EVI5L: variants seen among roughly 807,000 people sequenced by gnomAD.
EVI5L encodes the protein EVI5-like protein.
In EVI5L, 30 loss-of-function variants were observed where a neutral mutation model predicts 106.1. The observed-to-expected ratio is 0.28, with a 90% confidence interval of 0.21 to 0.38. EVI5L has a LOEUF of 0.38. Among genes scored for constraint, EVI5L ranks in the 10% least tolerant of loss-of-function variants. EVI5L has a pLI of 1.00. For missense variants in EVI5L, 809 were observed against 1,098.0 expected, an observed-to-expected ratio of 0.74 and a Z score of 3.72; for synonymous variants, 489 against 483.3, an observed-to-expected ratio of 1.01 and a Z score of -0.15.
At chr19:7,860,940 G>A (rs975253331) in intron 14 of EVI5L, among the ~76,000 whole-genome samples, 2 of 152,270 alleles carry the variant, frequency 1.3e-5, no homozygotes, top group East Asian at 1.9e-4. Flanking sequence ...GTTTCCCCCA[G>A]TACTGGGTTC....
chr19:7,856,853 G>A lies in EVI5L; in HGVS notation c.1201-239G>A. 1 of 686,380 alleles carries A rather than the reference G, an allele frequency of 1.5e-6. No homozygotes were observed. Among genetic ancestry groups the A allele is most frequent in the Non-Finnish European group, 2.7e-6 (1 of 375,476 alleles). The allele number at this position is 686,380 out of a possible 1,614,324, so 42.5% of individuals were successfully genotyped here. ...CCCTGCGGCCTCCCCCACAGCCGCG[G>A]GCACCCCCGACCTCCCCGCTCACAC... is the stretch of plus-strand genomic sequence containing the variant. On this transcript the variant is annotated intron_variant, in intron 11 of 19. Coordinates refer to ENST00000538904, the MANE Select transcript of EVI5L (RefSeq NM_001159944.3). The surrounding 1 kb of genome is among the most constrained non-coding windows in gnomAD (Gnocchi z 6.6).
At chr19:7,852,989 C>A in intron 8 of EVI5L, 97 bp from the exon 9 acceptor site, 1 of 1,202,280 alleles carries the variant, frequency 8.3e-7, no homozygotes, top group Non-Finnish European at 1.2e-6. Context: ...CCCGGGCAGA[C>A]CCGTTCCTGC....
rs1980003161 is a variant in EVI5L at position 7,864,084 on chromosome 19, CAG to C, written c.*383_*384del. 4 of 221,076 alleles carry C rather than the reference CAG, an allele frequency of 1.8e-5. No individual in the cohort carries two copies. Among genetic ancestry groups the C allele is most frequent in the Non-Finnish European group, 3.5e-5 (4 of 113,618 alleles). 13.7% of individuals were successfully genotyped at this position (221,076 alleles called of 1,614,324 possible). On this transcript the variant is annotated 3_prime_UTR_variant, in exon 20 of 20. Coordinates refer to ENST00000538904, the MANE Select transcript of EVI5L (RefSeq NM_001159944.3). The surrounding 1 kb of genome is among the most constrained non-coding windows in gnomAD (Gnocchi z 4.5). ...CCTCCTGGCAGGCTTCCTTCTGGGA[CAG>C]GGGCGACATTGCTGGGAAGTGCTCA...
chr19:7,862,148 G>T lies in EVI5L; in HGVS notation c.1671G>T (p.Trp557Cys). 6.3e-7 allele frequency: 1 copy of T among 1,575,032 alleles called. No individual in the cohort carries two copies. ...WQAHLARGGRWKESPRKLVVG... is the reference protein window; with the variant it reads ...WQAHLARGGRCKESPRKLVVG... ...CCCATCTGGCCCGCGGCGGCCGCTG[G>T]AAGGAGTCCCCACGGAAGCTGGTCG... Residue 557 changes from tryptophan (W) to cysteine (C), a missense_variant, in exon 16 of 20, where the codon TGG (tryptophan) becomes TGT (cysteine). Around this residue, in one of 2 missense-constraint regions of EVI5L, gnomAD observed 452 missense variants for 509.9 expected, o/e 0.89. Transcript: ENST00000538904.
chr19:7,831,385 C>G (rs1400021421), intron 1 of EVI5L, among the ~76,000 whole-genome samples: 1 of 151,868 alleles, frequency 6.6e-6, no homozygotes, highest in African/African-American at 2.4e-5. Flanking sequence ...CTCCTCAGAT[C>G]CCACCTGTCC....
intron 1 of EVI5L, 110 bp from the exon 2 acceptor site, chr19:7,846,386 G>A: frequency 2.0e-6 from 2 of 1,003,874 alleles, no homozygotes; most frequent in Non-Finnish European, 2.9e-6. Context: ...TGCACGGACG[G>A]GGGTGGACCA....
Position 7,851,414 on chromosome 19 carries a change from C to G in EVI5L, c.754-20C>G. 1 of 1,604,386 alleles carries G rather than the reference C, an allele frequency of 6.2e-7. No individual in the cohort carries two copies. Among genetic ancestry groups the G allele is most frequent in the Admixed American group, 1.7e-5 (1 of 59,066 alleles). Reference sequence around the variant, plus strand: ...AGGGCGTCCCCCTCACTGTGCCCACCCGGCCTCCCACCCCTGCAGGAGCAG... The same window carrying G: ...AGGGCGTCCCCCTCACTGTGCCCACGCGGCCTCCCACCCCTGCAGGAGCAG... On this transcript the variant is annotated intron_variant, in intron 6 of 19. Coordinates refer to ENST00000538904, the MANE Select transcript of EVI5L (RefSeq NM_001159944.3).
At chr19:7,843,433 A>AGTGT (rs149357850) in intron 1 of EVI5L, among the ~76,000 whole-genome samples, 12 of 107,044 alleles carry the variant, frequency 1.1e-4, no homozygotes, top group Non-Finnish European at 1.7e-4. Flanking sequence ...GTGTGTCGAG[A>AGTGT]GTGTGTGTGT....
intron 8 of EVI5L, 90 bp from the exon 9 acceptor site, chr19:7,852,996 C>A: frequency 7.6e-7 from 1 of 1,313,726 alleles, no homozygotes; most frequent in Non-Finnish European, 1.1e-6. Flanking sequence ...AGACCCGTTC[C>A]TGCCCCCCTC....
In EVI5L at chr19:7,863,025, G is replaced by C. The variant is rs1979922482; in HGVS notation, c.2001G>C (p.Ala667=). The part of the protein sequence containing the change: ...VRLREADSMA[A]VAEMRQRIAE... ...TGCGGGAGGCGGACAGCATGGCTGC[G>C]GTGGCCGAGATGCGGCAGCGCATTG... The change falls in exon 18 of 20, where the codon GCG becomes GCC. Residue 667 remains alanine (A), a synonymous_variant. Coordinates refer to ENST00000538904, the MANE Select transcript of EVI5L (RefSeq NM_001159944.3). The surrounding 1 kb of genome is among the most constrained non-coding windows in gnomAD (Gnocchi z 7.7). The C allele has an allele frequency of 2.5e-6, 4 of 1,581,372 alleles. No homozygotes were observed. The highest frequency in any genetic ancestry group is 1.9e-4 in the Middle Eastern group (1 of 5,170).
Position 7,847,936 on chromosome 19 carries a change from G to C in EVI5L, c.327+15G>C. On this transcript the variant is annotated intron_variant, in intron 3 of 19. Coordinates refer to ENST00000538904, the MANE Select transcript of EVI5L (RefSeq NM_001159944.3). ...AGCTGCTCAAGGTGGGGGGCGGCCA[G>C]GCAGGCAGGGCTGGGCCGACGGCGT... is the stretch of plus-strand genomic sequence containing the variant. 1 of 1,533,912 alleles carries C rather than the reference G, an allele frequency of 6.5e-7. No individual in the cohort carries two copies. The highest frequency in any genetic ancestry group is 8.8e-7 in the Non-Finnish European group (1 of 1,136,362).
rs959588194 is a variant in EVI5L at position 7,864,883 on chromosome 19, C to T, written c.*1181C>T. On this transcript the variant is annotated 3_prime_UTR_variant, in exon 20 of 20. Transcript: ENST00000538904. The surrounding 1 kb of genome is among the most constrained non-coding windows in gnomAD (Gnocchi z 4.5). ...GCAGGCACCCACGGGGCTCTCCACA[C>T]GCCCCCTACACTGCCCGCCACCATT... is the stretch of plus-strand genomic sequence containing the variant. The T allele has an allele frequency of 7.9e-5, 12 of 152,606 alleles. No homozygotes were observed. The highest frequency in any genetic ancestry group is 2.1e-4 in the South Asian group (1 of 4,830). The allele number at this position is 152,606 out of a possible 1,614,324, so 9.5% of individuals were successfully genotyped here.
chr19:7,860,874 CCAG>C (rs1403116146), intron 14 of EVI5L, among the ~76,000 whole-genome samples, 185 bp downstream of exon 14: 2 of 152,168 alleles, frequency 1.3e-5, no homozygotes, highest in Non-Finnish European at 2.9e-5. Flanking sequence ...GAGGCAAACT[CCAG>C]CAGCGTGGCA....
At position 7,858,508 on chromosome 19, in the gene EVI5L, TTC is replaced by T; in HGVS notation, c.1374+179_1374+180del. On this transcript the variant is annotated intron_variant, in intron 13 of 19. Transcript: ENST00000538904. This position sits in a 1 kb window ranked among gnomAD's most constrained non-coding sequence, Gnocchi z 5.7. ...CAGATTCTCCCCCAGCAGCTCCACA[TTC>T]TGAGACATCCTGATATCCATTTCTT... The T allele has an allele frequency of 1.3e-6, 1 of 759,958 alleles. No homozygotes were observed. The highest frequency in any genetic ancestry group is 2.1e-6 in the Non-Finnish European group (1 of 486,174). The allele number at this position is 759,958 out of a possible 1,614,324, so 47.1% of individuals were successfully genotyped here.
Position 7,860,567 on chromosome 19 carries a change from C to A in EVI5L, c.1381C>A (p.Pro461Thr). The A allele has an allele frequency of 6.3e-7, 1 of 1,590,310 alleles. No homozygotes were observed. Among genetic ancestry groups the A allele is most frequent in the Non-Finnish European group, 8.5e-7 (1 of 1,169,748 alleles). Residue 461 changes from proline (P) to threonine (T), a missense_variant, in exon 14 of 20, where the codon CCC becomes ACC. Around this residue, in one of 2 missense-constraint regions of EVI5L, gnomAD observed 452 missense variants for 509.9 expected, o/e 0.89. Transcript: ENST00000538904. ...AGCTCTCTGCCTCCCCCAGGAGAAC[C>A]CCCGCCTCACAGAAGACTTCGTGTC... Reference protein sequence around the residue: ...IRQLQEQQENPRLTEDFVSHL... With the variant: ...IRQLQEQQENTRLTEDFVSHL...
chr19:7,860,388 AT>A (rs1457561137), intron 13 of EVI5L, among the ~76,000 whole-genome samples, 172 bp from the exon 14 acceptor site: 1 of 152,108 alleles, frequency 6.6e-6, no homozygotes, highest in African/African-American at 2.4e-5. Context: ...AGCTGCATGG[AT>A]GCCAGGACCT....
intron 1 of EVI5L, 34 bp downstream of exon 1, chr19:7,830,415 T>G (rs866099667): frequency 1.3e-5 from 2 of 151,204 alleles, no homozygotes; most frequent in African/African-American, 2.4e-5. Context: ...CCCGGGCGCC[T>G]GCTCAGGCCG....
intron 1 of EVI5L, 52 bp downstream of exon 1, chr19:7,830,433 C>G (rs1271255630): frequency 6.6e-6 from 1 of 151,438 alleles, no homozygotes; most frequent in Admixed American, 6.6e-5. Flanking sequence ...CCGGCGGCTC[C>G]GTGATGCGGC....
chr19:7,861,847 C>A, intron 14 of EVI5L, 31 bp from the exon 15 acceptor site: 1 of 1,549,102 alleles, frequency 6.5e-7, no homozygotes, highest in Non-Finnish European at 8.7e-7. Flanking sequence ...CTGCGCTGCT[C>A]CCCCAGGCCC....
Sources: gnomAD v4.1 joint callset for allele counts (sites outside exome capture counted in the v4.1 genomes callset) on GRCh38, gnomAD v4.1.1 for gene constraint, gnomAD v4.1.1 regional missense constraint, Gnocchi (gnomAD v3.1) non-coding constraint, MANE v1.5 for transcripts, NCBI Gene and HGNC (gene_info 2026-07-23, HGNC 2026-07-21) for gene names.